The following ARK2N variants were observed in gnomAD, a reference collection of about 807,000 sequenced individuals.
The protein encoded by ARK2N is arkadia (RNF111) N-terminal like PKA signaling regulator 2N, also known as protein ARK2N.
the ARK2N span, chr18:46,239,984 T>C: frequency 6.2e-7 from 1 of 1,608,948 alleles, no homozygotes; most frequent in South Asian, 1.1e-5. Context: ...GATACAAGTA[T>C]ACATTTTCTT....
chr18:46,257,119 A>C, the ARK2N span, among the ~76,000 whole-genome samples: 1 of 151,924 alleles, frequency 6.6e-6, no homozygotes, highest in East Asian at 1.9e-4. Context: ...TTTTGTTTGG[A>C]TTTAGTTGTC....
the ARK2N span, among the ~76,000 whole-genome samples, chr18:46,241,551 G>A: frequency 3.0e-4 from 45 of 152,008 alleles, no homozygotes; most frequent in Middle Eastern, 3.4e-3. Context: ...GTGAAACCCC[G>A]TCTCTATTAA....
At chr18:46,196,847 A>C in the ARK2N span, among the ~76,000 whole-genome samples, 1 of 152,312 alleles carries the variant, frequency 6.6e-6, no homozygotes, top group African/African-American at 2.4e-5. Context: ...CTGGCAAGAT[A>C]GTATTGGCTT....
the ARK2N span, chr18:46,216,379 C>T: frequency 1.9e-6 from 3 of 1,613,974 alleles, no homozygotes; most frequent in Non-Finnish European, 2.5e-6. This position sits in a 1 kb window ranked among gnomAD's most constrained non-coding sequence, Gnocchi z 4.3. Flanking sequence ...ACAGAATGGC[C>T]GAGTCGCCAA....
chr18:46,216,121 A>G, the ARK2N span: 1 of 1,613,972 alleles, frequency 6.2e-7, no homozygotes. This position sits in a 1 kb window ranked among gnomAD's most constrained non-coding sequence, Gnocchi z 4.3. Context: ...CAAGCCTACA[A>G]CTGGCCGAGT....
At chr18:46,202,961 A>G in the ARK2N span, among the ~76,000 whole-genome samples, 3 of 152,272 alleles carry the variant, frequency 2.0e-5, no homozygotes, top group South Asian at 6.2e-4. Context: ...ACTAAAATAA[A>G]TGCCTGAAAC....
At chr18:46,207,388 CTTTTT>C in the ARK2N span, among the ~76,000 whole-genome samples, 1 of 115,916 alleles carries the variant, frequency 8.6e-6, no homozygotes, top group Non-Finnish European at 1.7e-5. Context: ...AGTTTCTATA[CTTTTT>C]TTTTTTTTTT....
the ARK2N span, among the ~76,000 whole-genome samples, chr18:46,240,751 C>T: frequency 1.7e-4 from 26 of 152,302 alleles, no homozygotes; most frequent in African/African-American, 6.3e-4. Context: ...CCCTGTCTTA[C>T]ATTTTTTTAG....
the ARK2N span, among the ~76,000 whole-genome samples, chr18:46,189,002 G>A: frequency 6.6e-6 from 1 of 152,122 alleles, no homozygotes; most frequent in African/African-American, 2.4e-5. Flanking sequence ...ATCACCTGAG[G>A]TCAGGAGTTC....
At chr18:46,201,786 T>TC in the ARK2N span, among the ~76,000 whole-genome samples, 1 of 151,010 alleles carries the variant, frequency 6.6e-6, no homozygotes, top group African/African-American at 2.4e-5. Flanking sequence ...TTTCTTTTTT[T>TC]TTTTTTTTTA....
chr18:46,263,567 T>C, the ARK2N span: 17 of 156,230 alleles, frequency 1.1e-4, no homozygotes. Context: ...CGCACACATA[T>C]CAGTCAGGTC....
the ARK2N span, among the ~76,000 whole-genome samples, chr18:46,249,667 T>C: frequency 1.3e-5 from 2 of 152,234 alleles, no homozygotes; most frequent in African/African-American, 4.8e-5. Flanking sequence ...TCTGCCCTTT[T>C]GGAATATGAA....
the ARK2N span, among the ~76,000 whole-genome samples, chr18:46,212,641 A>G: frequency 6.6e-6 from 1 of 152,140 alleles, no homozygotes. Flanking sequence ...TTTGACTGCA[A>G]TACCGGTTAC....
chr18:46,264,735 C>CTTTTTTTTT, the ARK2N span: 7 of 133,230 alleles, frequency 5.3e-5, no homozygotes, highest in African/African-American at 1.9e-4. Flanking sequence ...TCATCTTCTT[C>CTTTTTTTTT]TTTTTTTTTT....
chr18:46,201,769 C>T, the ARK2N span, among the ~76,000 whole-genome samples: 2 of 142,696 alleles, frequency 1.4e-5, no homozygotes, highest in African/African-American at 2.6e-5. Flanking sequence ...GTTTTCTTTT[C>T]TTTTCTTTTC....
At chr18:46,182,683 C>CTTTTTTTT in the ARK2N span, among the ~76,000 whole-genome samples, 5 of 87,804 alleles carry the variant, frequency 5.7e-5, no homozygotes, top group African/African-American at 8.8e-5. Context: ...AGCCACAGTG[C>CTTTTTTTT]TTTTTTTTTT....
At chr18:46,216,304 C>T in the ARK2N span, 10 of 1,613,772 alleles carry the variant, frequency 6.2e-6, no homozygotes, top group East Asian at 2.2e-5. The surrounding 1 kb of genome is among the most constrained non-coding windows in gnomAD (Gnocchi z 4.3). Context: ...CAAGTCTAGG[C>T]GGTCCCGATC....
At chr18:46,222,801 C>T in the ARK2N span, among the ~76,000 whole-genome samples, 2 of 152,260 alleles carry the variant, frequency 1.3e-5, no homozygotes, top group South Asian at 2.1e-4. Context: ...CACGTAGCCA[C>T]GGCTTCCCCT....
chr18:46,256,131 C>T, the ARK2N span, among the ~76,000 whole-genome samples: 1 of 152,194 alleles, frequency 6.6e-6, no homozygotes, highest in Non-Finnish European at 1.5e-5. Flanking sequence ...GTGCCAGGGA[C>T]ATATTATTCA....
Sources: allele counts gnomAD v4.1 joint callset (sites outside exome capture counted in the v4.1 genomes callset), GRCh38; gene constraint gnomAD v4.1.1; non-coding constraint Gnocchi (gnomAD v3.1); transcripts MANE v1.5; gene names NCBI Gene and HGNC (gene_info 2026-07-23, HGNC 2026-07-21).